Variants in SYT7 observed in about 807,000 individuals in gnomAD.
The protein encoded by SYT7 is synaptotagmin-7.
In SYT7, 29 loss-of-function variants were observed where a neutral mutation model predicts 75.1. That is an observed-to-expected ratio of 0.39 (90% CI 0.29 to 0.53). The LOEUF (loss-of-function observed/expected upper bound fraction) is 0.53, where lower values mean the gene tolerates loss of function less well. Among genes scored for constraint, SYT7 ranks in the 20% least tolerant of loss-of-function variants. SYT7 has a pLI of 0.77. For missense variants in SYT7, 693 were observed against 953.2 expected (o/e 0.73, Z 3.59); for synonymous variants, 376 against 401.7 (o/e 0.94, Z 0.76).
intron 7 of SYT7, chr11:61,533,363 G>GTGTCCT: frequency 1.0e-6 from 1 of 985,390 alleles, no homozygotes; most frequent in Non-Finnish European, 1.2e-6. Flanking sequence ...TCCTATAGGG[G>GTGTCCT]ATATTTTGGG....
chr11:61,519,318 G>C (rs1448630519), intron 12 of SYT7, among the ~76,000 whole-genome samples: 1 of 152,252 alleles, frequency 6.6e-6, no homozygotes, highest in Non-Finnish European at 1.5e-5. Context: ...GCCTAATCCT[G>C]CTTCGCAGCC....
At chr11:61,574,938 G>A (rs988761972) in intron 1 of SYT7, among the ~76,000 whole-genome samples, 3 of 152,002 alleles carry the variant, frequency 2.0e-5, no homozygotes, top group Admixed American at 6.5e-5. Flanking sequence ...CACTCCCCTC[G>A]TGCAGAGCCT....
At chr11:61,550,024 C>T (rs577814878) in intron 3 of SYT7, among the ~76,000 whole-genome samples, 4 of 152,356 alleles carry the variant, frequency 2.6e-5, no homozygotes, top group Non-Finnish European at 4.4e-5. Context: ...GGGCTGGCCA[C>T]GCTCCCCCAC....
intron 1 of SYT7, among the ~76,000 whole-genome samples, chr11:61,559,358 A>G (rs888005355): frequency 6.6e-6 from 1 of 152,166 alleles, no homozygotes; most frequent in Non-Finnish European, 1.5e-5. Flanking sequence ...TGTCAGGCAC[A>G]TGGCGTGAGG....
chr11:61,526,908 T>TG (rs1429656543), intron 9 of SYT7, among the ~76,000 whole-genome samples: 2 of 152,126 alleles, frequency 1.3e-5, no homozygotes, highest in Admixed American at 6.5e-5. Flanking sequence ...GAAAGGTCCC[T>TG]GGGGTACACG....
In SYT7 at chr11:61,518,594, G is replaced by A; in HGVS notation, c.*33C>T. ...TGGTGAGGGCATGATGGGGACCTGG[G>A]CCCTCGGCCCCCTGGGCCTCCCTTG... On this transcript the variant is annotated 3_prime_UTR_variant, in exon 13 of 13. Transcript: ENST00000539008. 6 of 1,474,716 alleles carry A rather than the reference G, an allele frequency of 4.1e-6. 1 individual carries two copies. The South Asian group carries it at 7.7e-5, about 19-fold the overall frequency. 91.4% of individuals were successfully genotyped at this position (1,474,716 alleles called of 1,614,324 possible).
chr11:61,581,327 GC>G (rs1012171991), upstream of SYT7, among the ~76,000 whole-genome samples: 409 of 150,650 alleles, frequency 2.7e-3, 2 homozygotes, highest in African/African-American at 9.4e-3. Context: ...GGGCCGCCGA[GC>G]CCCACGGCCG....
chr11:61,572,826 G>T (rs1411150528), intron 1 of SYT7, among the ~76,000 whole-genome samples: 10 of 152,072 alleles, frequency 6.6e-5, no homozygotes. Context: ...CCCCCACTCA[G>T]GGGTAACAAA....
chr11:61,587,350 C>G, the SYT7 span, among the ~76,000 whole-genome samples: 2 of 152,234 alleles, frequency 1.3e-5, no homozygotes, highest in African/African-American at 4.8e-5. Flanking sequence ...TTCAGCGGGC[C>G]GTTACTCTTC....
At chr11:61,558,463 C>CT (rs1352775927) in intron 1 of SYT7, among the ~76,000 whole-genome samples, 3 of 150,454 alleles carry the variant, frequency 2.0e-5, no homozygotes. Flanking sequence ...GAGCAAGACT[C>CT]TGTTTCAAAA....
chr11:61,515,463 T>G lies in SYT7; in HGVS notation c.*3164A>C, dbSNP rs987848971. 8.9e-6 allele frequency: 1 copy of G among 111,816 alleles called. No individual in the cohort carries two copies. The highest frequency in any genetic ancestry group is 3.7e-5 in the African/African-American group (1 of 27,108). 6.9% of individuals were successfully genotyped at this position (111,816 alleles called of 1,614,324 possible). On this transcript the variant is annotated 3_prime_UTR_variant, in exon 13 of 13. Transcript: ENST00000539008. ...ATTTTGTATGGTTCTTTTTTTCCTG[T>G]TTTTTTTTTTTCTTCAGTTTTTCTT...
At chr11:61,550,572 C>G (rs2063319554) in intron 3 of SYT7, among the ~76,000 whole-genome samples, 1 of 152,168 alleles carries the variant, frequency 6.6e-6, no homozygotes, top group South Asian at 2.1e-4. Flanking sequence ...GTGGGGTTAC[C>G]ACCCCTACCT....
Position 61,576,482 on chromosome 11 carries a change from C to G in SYT7, c.31+4308G>C, listed in dbSNP as rs2064081695. On this transcript the variant is annotated intron_variant, in intron 1 of 12. Coordinates refer to ENST00000539008, the MANE Select transcript of SYT7 (RefSeq NM_001365809.2). The surrounding 1 kb of genome is among the most constrained non-coding windows in gnomAD (Gnocchi z 4.1). The stretch of plus-strand genomic sequence containing the variant: ...CAGCTCTATACAGGGCTGCCCATGC[C>G]CACCTGTGATGCCACAGTGCTCTGA... Among the ~76,000 whole-genome samples, 1 of 152,188 alleles carries G rather than the reference C, an allele frequency of 6.6e-6. No homozygotes were observed. Among genetic ancestry groups the G allele is most frequent in the Non-Finnish European group, 1.5e-5 (1 of 68,028 alleles).
At chr11:61,535,128 G>A (rs2062831264) in intron 7 of SYT7, among the ~76,000 whole-genome samples, 2 of 152,212 alleles carry the variant, frequency 1.3e-5, no homozygotes, top group Admixed American at 6.5e-5. Context: ...AGAGGCAGAG[G>A]GAGAGGCCGA....
chr11:61,522,543 G>A (rs1307646134), intron 12 of SYT7, among the ~76,000 whole-genome samples: 1 of 152,116 alleles, frequency 6.6e-6, no homozygotes, highest in Non-Finnish European at 1.5e-5. Flanking sequence ...ACGCCACCCT[G>A]TAAAGTTCTA....
intron 1 of SYT7, 55 bp from the exon 2 acceptor site, chr11:61,556,262 C>A: frequency 6.7e-7 from 1 of 1,483,972 alleles, no homozygotes; most frequent in Non-Finnish European, 9.2e-7. Context: ...GCCACCCTCC[C>A]TCAGCCCAGA....
chr11:61,588,277 T>C, the SYT7 span, among the ~76,000 whole-genome samples: 2 of 152,132 alleles, frequency 1.3e-5, no homozygotes, highest in Non-Finnish European at 2.9e-5. Flanking sequence ...CGGCAGCACT[T>C]ACTGAGCTCC....
Position 61,517,123 on chromosome 11 carries a change from G to C in SYT7, c.*1504C>G, listed in dbSNP as rs373861178. ...TGGCGCCACCTGGCGGTAGTTCTGGGAATGTCAGGCCCAGGCTCGTGGACC... is the reference window on the plus strand; with the variant it reads ...TGGCGCCACCTGGCGGTAGTTCTGGCAATGTCAGGCCCAGGCTCGTGGACC... On this transcript the variant is annotated 3_prime_UTR_variant, in exon 13 of 13. Coordinates refer to ENST00000539008, the MANE Select transcript of SYT7 (RefSeq NM_001365809.2). 4.8e-4 allele frequency: 191 copies of C among 396,980 alleles called. 1 individual carries two copies. The East Asian group carries it at 6.5e-3, about 13-fold the overall frequency. The allele number at this position is 396,980 out of a possible 1,614,324, so 24.6% of individuals were successfully genotyped here. A position where few individuals can be genotyped will look rare whatever the true frequency, so the allele number is the denominator to read the frequency against.
chr11:61,586,680 G>A, the SYT7 span, among the ~76,000 whole-genome samples: 13 of 152,144 alleles, frequency 8.5e-5, no homozygotes, highest in Non-Finnish European at 1.5e-4. Context: ...GGTTCCAGAT[G>A]AAAAGCCCCT....
Sources: allele counts gnomAD v4.1 joint callset (sites outside exome capture counted in the v4.1 genomes callset), GRCh38; gene constraint gnomAD v4.1.1; non-coding constraint Gnocchi (gnomAD v3.1); transcripts MANE v1.5; gene names NCBI Gene and HGNC (gene_info 2026-07-23, HGNC 2026-07-21).